The following ORC6 variants were observed in gnomAD, a reference collection of about 807,000 sequenced individuals.
ORC6 encodes origin recognition complex subunit 6.
ORC6 carries 31 observed loss-of-function variants against 30.0 expected under a neutral mutation model. That is an observed-to-expected ratio of 1.03 (90% CI 0.78 to 1.40). The LOEUF (loss-of-function observed/expected upper bound fraction) is 1.40, where lower values mean the gene tolerates loss of function less well. Among genes scored for constraint, ORC6 ranks in the 40% most tolerant of loss-of-function variants. ORC6 has a pLI of 0.00. For synonymous variants in ORC6, 136 were observed against 111.2 expected, an observed-to-expected ratio of 1.22 and a Z score of -1.40; for missense variants, 340 against 304.3, an observed-to-expected ratio of 1.12 and a Z score of -0.87.
Position 46,692,485 on chromosome 16 carries a change from A to T in ORC6, c.299A>T (p.Asp100Val). 6.2e-7 allele frequency: 1 copy of T among 1,613,662 alleles called. No individual in the cohort carries two copies. The highest frequency in any genetic ancestry group is 8.5e-7 in the Non-Finnish European group (1 of 1,179,554). ...LGLNSNIGIR[D>V]LAVQFSCIEA... ...CTGAATTCAAATATTGGAATAAGAG[A>T]CCTAGCTGTACAGTTTAGCTGTATA... Residue 100 changes from aspartate to valine, a missense_variant, in exon 3 of 7, where the codon GAC becomes GTC. Coordinates refer to ENST00000219097, the MANE Select transcript of ORC6 (RefSeq NM_014321.4).
At chr16:46,695,711 A>G (rs779070580) in intron 5 of ORC6, 37 bp downstream of exon 5, 3 of 1,323,950 alleles carry the variant, frequency 2.3e-6, no homozygotes, top group Non-Finnish European at 1.1e-6. Context: ...GTCATTTGAA[A>G]ATGTAGTCCT....
intron 6 of ORC6, among the ~76,000 whole-genome samples, chr16:46,696,742 G>A (rs757825684): frequency 2.0e-5 from 3 of 152,072 alleles, no homozygotes; most frequent in Non-Finnish European, 4.4e-5. Context: ...TGCAGCCTCC[G>A]CCTCCTGAGC....
At chr16:46,690,942 G>T in intron 1 of ORC6, 49 bp from the exon 2 acceptor site, 1 of 1,609,760 alleles carries the variant, frequency 6.2e-7, no homozygotes, top group South Asian at 1.1e-5. Context: ...CCAACGTGTT[G>T]AGCAAACTTC....
At chr16:46,695,255 C>T (rs537977885) in intron 4 of ORC6, 1 of 317,656 alleles carries the variant, frequency 3.1e-6, no homozygotes, top group African/African-American at 2.2e-5. Flanking sequence ...ACAAAAAAGT[C>T]CTATGATTGT....
At chr16:46,693,852 ATTT>A (rs71158883) in intron 4 of ORC6, 4 of 99,586 alleles carry the variant, frequency 4.0e-5, no homozygotes, top group East Asian at 7.2e-4. Context: ...TTTTATTTTT[ATTT>A]TTTTTTTTTT....
intron 2 of ORC6, 116 bp from the exon 3 acceptor site, chr16:46,692,266 A>C (rs1966454374): frequency 3.6e-6 from 3 of 834,376 alleles, no homozygotes; most frequent in Non-Finnish European, 5.9e-6. Context: ...AGGTAGAGTG[A>C]CTTGCCACAA....
At chr16:46,690,212 A>T (rs1966417608) in intron 1 of ORC6, among the ~76,000 whole-genome samples, 1 of 152,242 alleles carries the variant, frequency 6.6e-6, no homozygotes, top group Admixed American at 6.5e-5. Context: ...TTTAACACAA[A>T]GAAACAAACA....
intron 2 of ORC6, 128 bp from the exon 3 acceptor site, chr16:46,692,254 T>C: frequency 1.4e-6 from 1 of 737,320 alleles, no homozygotes; most frequent in Non-Finnish European, 2.3e-6. Flanking sequence ...AGCTAAACCT[T>C]TAGGTAGAGT....
In ORC6 at chr16:46,692,393, T is replaced by TAATTAATC; in HGVS notation, c.209_210insTTAATCAA (p.Lys70AsnfsTer2). 6.2e-7 allele frequency: 1 copy of TAATTAATC among 1,613,490 alleles called. No homozygotes were observed. The highest frequency in any genetic ancestry group is 8.5e-7 in the Non-Finnish European group (1 of 1,179,492). On this transcript the variant is annotated stop_gained and frameshift_variant, in exon 3 of 7. Transcript: ENST00000219097. LOFTEE classifies it high-confidence loss of function. ...TTTTCCTTTCACAGGCTTATTTAAT[T>TAATTAATC]AAACTTTCTGGTTTGAACAAGGAGA...
chr16:46,689,709 G>T lies in ORC6; in HGVS notation c.4G>T (p.Gly2Trp). The T allele has an allele frequency of 6.2e-7, 1 of 1,601,336 alleles. No individual in the cohort carries two copies. Among genetic ancestry groups the T allele is most frequent in the Non-Finnish European group, 8.5e-7 (1 of 1,174,010 alleles). ...TGTTCGCTTTAGTGCCGGCGCCATG[G>T]GGTCGGAGCTGATCGGGCGCCTAGC... is the stretch of plus-strand genomic sequence containing the variant. M[G>W]SELIGRLAPR... The change falls in exon 1 of 7, where the codon GGG (glycine) becomes TGG (tryptophan). Residue 2 changes from glycine (G) to tryptophan (W), a missense_variant. Coordinates refer to ENST00000219097, the MANE Select transcript of ORC6 (RefSeq NM_014321.4).
Position 46,693,119 on chromosome 16 carries a change from A to G in ORC6, c.386A>G (p.Gln129Arg). Residue 129 changes from glutamine (Q) to arginine (R), a missense_variant, in exon 4 of 7, where the codon CAG (glutamine) becomes CGG (arginine). Gln to Arg is a conservative substitution (Grantham distance 43). Coordinates refer to ENST00000219097, the MANE Select transcript of ORC6 (RefSeq NM_014321.4). ...KSYESSLPQT[Q>R]QVDLDLSRPL... ...TATGAGTCCAGTCTTCCCCAGACACAGCAAGTGGATCTTGACTTATCCAGG... is the reference window on the plus strand; with the variant it reads ...TATGAGTCCAGTCTTCCCCAGACACGGCAAGTGGATCTTGACTTATCCAGG... 6.2e-7 allele frequency: 1 copy of G among 1,612,294 alleles called. No individual in the cohort carries two copies. The highest frequency in any genetic ancestry group is 8.5e-7 in the Non-Finnish European group (1 of 1,178,298).
In ORC6 at chr16:46,690,994, A is replaced by G. The variant is rs761957093; in HGVS notation, c.69A>G (p.Lys23=). ...AACACACTGCCCTTTTAACCAGGAA[A>G]GCAGAGGAGTACTTGCGCCTGTCCC... is the stretch of plus-strand genomic sequence containing the variant. ...LGLAEPDMLR[K]AEEYLRLSRV... Residue 23 remains lysine, a synonymous_variant, in exon 2 of 7, where the codon AAA becomes AAG. Coordinates refer to ENST00000219097, the MANE Select transcript of ORC6 (RefSeq NM_014321.4). 6.2e-7 allele frequency: 1 copy of G among 1,614,222 alleles called. No individual in the cohort carries two copies. The highest frequency in any genetic ancestry group is 2.2e-5 in the East Asian group (1 of 44,884).
intron 6 of ORC6, 87 bp from the exon 7 acceptor site, chr16:46,697,371 T>C: frequency 1.6e-6 from 2 of 1,236,708 alleles, no homozygotes; most frequent in South Asian, 1.3e-5. Context: ...TCTTTTCTAT[T>C]TTAGACAATT....
chr16:46,695,649 A>G lies in ORC6; in HGVS notation c.537A>G (p.Leu179=), dbSNP rs771556731. The G allele has an allele frequency of 3.7e-6, 6 of 1,609,964 alleles. No individual in the cohort carries two copies. The highest frequency in any genetic ancestry group is 2.2e-5 in the East Asian group (1 of 44,844). The change falls in exon 5 of 7, where the codon CTA becomes CTG. Residue 179 remains leucine (L), a synonymous_variant. Transcript: ENST00000219097. The part of the protein sequence containing the change: ...KAIFDRLCKQ[L]EKIGQQVDRE... ...TATTTGATCGACTGTGTAAACAACT[A>G]GAGAAGATTGGACAGCAGGTCGACA...
In ORC6 at chr16:46,698,184, G is replaced by GATAC; in HGVS notation, c.*602_*603insCATA. On this transcript the variant is annotated 3_prime_UTR_variant, in exon 7 of 7. Coordinates refer to ENST00000219097, the MANE Select transcript of ORC6 (RefSeq NM_014321.4). The stretch of plus-strand genomic sequence containing the variant: ...TTATAGATAGATAGATAGATAGATG[G>GATAC]ATAGATAGATAGATAGATAGATAGA... 1 of 331,216 alleles carries GATAC rather than the reference G, an allele frequency of 3.0e-6. No individual in the cohort carries two copies. Among genetic ancestry groups the GATAC allele is most frequent in the Non-Finnish European group, 5.8e-6 (1 of 173,386 alleles). 20.5% of individuals were successfully genotyped at this position (331,216 alleles called of 1,614,324 possible). A position where few individuals can be genotyped will look rare whatever the true frequency, so the allele number is the denominator to read the frequency against.
rs1966544640 is a variant in ORC6 at position 46,698,205 on chromosome 16, A to ATAGATAGATAGG, written c.*630_*631insGGTAGATAGATA. On this transcript the variant is annotated 3_prime_UTR_variant, in exon 7 of 7. Coordinates refer to ENST00000219097, the MANE Select transcript of ORC6 (RefSeq NM_014321.4). Reference sequence around the variant, plus strand: ...GATGGATAGATAGATAGATAGATAGATAGATAGATAAACGGAATTGGAGCC... The same window carrying ATAGATAGATAGG: ...GATGGATAGATAGATAGATAGATAGATAGATAGATAGGTAGATAGATAAACGGAATTGGAGCC... 2.2e-6 allele frequency: 1 copy of ATAGATAGATAGG among 455,104 alleles called. No individual in the cohort carries two copies. Among genetic ancestry groups the ATAGATAGATAGG allele is most frequent in the African/African-American group, 2.0e-5 (1 of 49,974 alleles). The allele number at this position is 455,104 out of a possible 1,614,324, so 28.2% of individuals were successfully genotyped here.
intron 4 of ORC6, chr16:46,694,314 C>T (rs1185957547): frequency 8.0e-6 from 1 of 125,160 alleles, no homozygotes; most frequent in East Asian, 2.3e-4. Context: ...CCACCTTTCC[C>T]GCCTTTCTAT....
In ORC6 at chr16:46,690,975, C is replaced by A. The variant is rs375570215; in HGVS notation, c.66-16C>A. ...TTCTGAATAAGTTGTAGCGAACACA[C>A]TGCCCTTTTAACCAGGAAAGCAGAG... On this transcript the variant is annotated splice_polypyrimidine_tract_variant and intron_variant, in intron 1 of 6. Coordinates refer to ENST00000219097, the MANE Select transcript of ORC6 (RefSeq NM_014321.4). The A allele has an allele frequency of 6.2e-7, 1 of 1,614,102 alleles. No homozygotes were observed. Among genetic ancestry groups the A allele is most frequent in the East Asian group, 2.2e-5 (1 of 44,886 alleles).
intron 4 of ORC6, chr16:46,693,750 A>G (rs192782318): frequency 6.6e-6 from 1 of 151,070 alleles, no homozygotes; most frequent in African/African-American, 2.5e-5. Flanking sequence ...TCTTGGTTAT[A>G]GTGAGCTATG....
Sources: gnomAD v4.1 joint callset for allele counts (sites outside exome capture counted in the v4.1 genomes callset) on GRCh38, gnomAD v4.1.1 for gene constraint, MANE v1.5 for transcripts, NCBI Gene and HGNC (gene_info 2026-07-23, HGNC 2026-07-21) for gene names.